The following RBFOX1 variants were observed in gnomAD, a reference collection of about 807,000 sequenced individuals.
RBFOX1 encodes RNA binding protein fox-1 homolog 1.
A neutral mutation model predicts 57.7 loss-of-function variants in RBFOX1; 8 were observed. That is an observed-to-expected ratio of 0.14 (90% confidence interval 0.08 to 0.25). The LOEUF is 0.25. Ranked by LOEUF, RBFOX1 falls within the 10% of genes least tolerant of loss-of-function variation. The probability of loss-of-function intolerance (pLI) is 1.00; values close to 1 mark genes in which losing one functional copy is unlikely to be tolerated. For synonymous variants in RBFOX1, 326 were observed against 222.4 expected, an observed-to-expected ratio of 1.47 and a Z score of -4.15; for missense variants, 611 against 548.5, an observed-to-expected ratio of 1.11 and a Z score of -1.14.
At chr16:6,364,086 A>T (rs2089128048) in intron 2 of RBFOX1, among the ~76,000 whole-genome samples, 1 of 152,192 alleles carries the variant, frequency 6.6e-6, no homozygotes. Context: ...AGGGGAAGAA[A>T]GGTTTAGCCT....
At chr16:7,153,205 A>G (rs1025726067) in intron 4 of RBFOX1, among the ~76,000 whole-genome samples, 1 of 148,320 alleles carries the variant, frequency 6.7e-6, no homozygotes, top group African/African-American at 2.5e-5. Flanking sequence ...TTTTTTTTTT[A>G]AATTCTGCAA....
intron 1 of RBFOX1, among the ~76,000 whole-genome samples, chr16:6,303,770 T>A (rs2079106101): frequency 6.6e-6 from 1 of 150,962 alleles, no homozygotes; most frequent in South Asian, 2.1e-4. Flanking sequence ...GGTCACGAGT[T>A]TGAGACCGGT....
intron 3 of RBFOX1, among the ~76,000 whole-genome samples, chr16:6,906,093 C>G (rs1301447244): frequency 6.8e-6 from 1 of 146,324 alleles, no homozygotes; most frequent in Admixed American, 6.8e-5. Context: ...CGATGGAACG[C>G]TTTGCTTTAT....
intron 3 of RBFOX1, among the ~76,000 whole-genome samples, chr16:6,867,320 G>C (rs571965889): frequency 1.6e-4 from 25 of 152,104 alleles, no homozygotes; most frequent in Non-Finnish European, 3.7e-4. Context: ...TATTGGCTCT[G>C]ATGATGGTTT....
chr16:5,415,887 G>T lies in RBFOX1; in HGVS notation c.220-51329G>T, dbSNP rs116533853. ...ATAAAGGCCGGTTTCCCAGGGCAAA[G>T]GGAAGCATAGATGAGTCTTAGGGGC... On this transcript the variant is annotated intron_variant, in intron 1 of 2. Coordinates refer to the RBFOX1 transcript ENST00000585867. 1.2e-3 allele frequency among the ~76,000 whole-genome samples: 180 copies of T among 152,296 alleles called. 1 individual carries two copies. The highest frequency in any genetic ancestry group is 4.2e-3 in the African/African-American group (176 of 41,564).
At chr16:7,535,083 TTC>T (rs1276842629) in intron 5 of RBFOX1, among the ~76,000 whole-genome samples, 3 of 152,216 alleles carry the variant, frequency 2.0e-5, no homozygotes, top group Non-Finnish European at 4.4e-5. Flanking sequence ...GAAATTGTAC[TTC>T]TCTCTTTTAT....
intron 3 of RBFOX1, among the ~76,000 whole-genome samples, chr16:7,006,951 A>C (rs1299115457): frequency 2.6e-5 from 4 of 152,134 alleles, no homozygotes; most frequent in African/African-American, 7.2e-5. Context: ...TCGTAGTCTT[A>C]GTTTTCTACC....
chr16:6,278,047 GGTA>G (rs2076010266), intron 1 of RBFOX1, among the ~76,000 whole-genome samples: 1 of 152,076 alleles, frequency 6.6e-6, no homozygotes, highest in Non-Finnish European at 1.5e-5. Context: ...TTTGTAAGTG[GGTA>G]GGAGTTCATT....
intron 1 of RBFOX1, among the ~76,000 whole-genome samples, chr16:6,208,520 C>G (rs975097488): frequency 1.3e-5 from 2 of 152,154 alleles, no homozygotes; most frequent in Non-Finnish European, 2.9e-5. Context: ...CTGTCCCCAT[C>G]TGGGAACAGG....
chr16:5,392,414 G>C (rs1242001560), intron 1 of RBFOX1, among the ~76,000 whole-genome samples: 1 of 152,096 alleles, frequency 6.6e-6, no homozygotes, highest in Non-Finnish European at 1.5e-5. Context: ...ATTGGTACTG[G>C]AGGTAATACT....
chr16:5,632,624 A>C (rs1596522694), intron 3 of RBFOX1: 1 of 152,176 alleles, frequency 6.6e-6, no homozygotes, highest in Admixed American at 6.5e-5. Flanking sequence ...GGCCCTGTCC[A>C]CGAGCCACCT....
chr16:7,050,647 T>A lies in RBFOX1; in HGVS notation c.-15-1410T>A, dbSNP rs149638439. Among the ~76,000 whole-genome samples the A allele has an allele frequency of 8.3e-4, 127 of 152,338 alleles. 1 individual carries two copies. The highest frequency in any genetic ancestry group is 2.9e-3 in the African/African-American group (120 of 41,584). Reference sequence around the variant, plus strand: ...CATAATATTGTATATTTCTGTGGTTTCTTTTCTTAACAACTAAATGGTGTC... The same window carrying A: ...CATAATATTGTATATTTCTGTGGTTACTTTTCTTAACAACTAAATGGTGTC... On this transcript the variant is annotated intron_variant, in intron 3 of 15. Coordinates refer to ENST00000550418, the MANE Select transcript of RBFOX1 (RefSeq NM_018723.4).
At chr16:6,141,801 A>T (rs951561043) in intron 1 of RBFOX1, among the ~76,000 whole-genome samples, 1 of 152,092 alleles carries the variant, frequency 6.6e-6, no homozygotes, top group African/African-American at 2.4e-5. Context: ...AAAAATCTGT[A>T]ATCTCAGCAC....
chr16:7,313,015 G>C (rs1317737100), intron 4 of RBFOX1, among the ~76,000 whole-genome samples: 4 of 152,014 alleles, frequency 2.6e-5, no homozygotes, highest in Admixed American at 6.5e-5. Flanking sequence ...TTCATGCCCT[G>C]GATCTGTTGT....
At chr16:7,531,705 C>A (rs1474736658) in intron 5 of RBFOX1, among the ~76,000 whole-genome samples, 1 of 152,138 alleles carries the variant, frequency 6.6e-6, no homozygotes, top group Non-Finnish European at 1.5e-5. Context: ...TAAACATAGG[C>A]CTGGCAGATT....
At chr16:5,261,145 A>G (rs2062721694) in intron 1 of RBFOX1, 2 of 152,240 alleles carry the variant, frequency 1.3e-5, no homozygotes, top group Non-Finnish European at 2.9e-5. Context: ...GACTTAATAA[A>G]GGGCATTAGC....
intron 3 of RBFOX1, among the ~76,000 whole-genome samples, chr16:5,805,195 A>T (rs1186694109): frequency 6.6e-6 from 1 of 152,174 alleles, no homozygotes; most frequent in African/African-American, 2.4e-5. Context: ...TGAACAGTAA[A>T]TGAAACACTG....
chr16:5,350,640 C>G (rs538457396), intron 1 of RBFOX1, among the ~76,000 whole-genome samples: 1 of 152,106 alleles, frequency 6.6e-6, no homozygotes, highest in African/African-American at 2.4e-5. Context: ...CCAAAGCGGG[C>G]GGATCACCTG....
intron 2 of RBFOX1, among the ~76,000 whole-genome samples, chr16:6,494,222 T>C (rs1192309219): frequency 1.3e-5 from 2 of 152,206 alleles, no homozygotes; most frequent in Admixed American, 6.5e-5. Flanking sequence ...TATTTGAATT[T>C]CCCTAAGGTT....
Sources: allele counts gnomAD v4.1 joint callset (sites outside exome capture counted in the v4.1 genomes callset), GRCh38; gene constraint gnomAD v4.1.1; transcripts MANE v1.5; gene names NCBI Gene and HGNC (gene_info 2026-07-23, HGNC 2026-07-21).